The following EPS15 variants were observed in gnomAD, a reference collection of about 807,000 sequenced individuals.
The protein encoded by EPS15 is epidermal growth factor receptor substrate 15.
Under a neutral mutation model 113.8 loss-of-function variants are expected in EPS15, and 72 were observed. That is an observed-to-expected ratio of 0.63 (90% CI 0.52 to 0.77). EPS15 has a LOEUF of 0.77. EPS15 is among the 30% of genes least tolerant of loss of function. EPS15 has a pLI of 0.00. For missense variants in EPS15, 1,048 were observed against 1,045.8 expected (o/e 1.00, Z -0.03); for synonymous variants, 344 against 363.4 (o/e 0.95, Z 0.61).
At chr1:51,459,709 A>T (rs191861124) in intron 8 of EPS15, among the ~76,000 whole-genome samples, 2 of 152,202 alleles carry the variant, frequency 1.3e-5, no homozygotes, top group African/African-American at 4.8e-5. Context: ...TTGAAAGTAT[A>T]CATCAAAGTA....
At chr1:51,386,612 A>G (rs1204563025) in intron 21 of EPS15, among the ~76,000 whole-genome samples, 1 of 152,198 alleles carries the variant, frequency 6.6e-6, no homozygotes, top group Non-Finnish European at 1.5e-5. Flanking sequence ...CATCCACACC[A>G]AAAACTCATC....
intron 21 of EPS15, among the ~76,000 whole-genome samples, chr1:51,384,294 C>CTTTTTTTTTTTTTTTTTTTTTTTTT: frequency 1.0e-5 from 1 of 98,524 alleles, no homozygotes; most frequent in Admixed American, 1.2e-4. Context: ...CTTTTTCTTT[C>CTTTTTTTTTTTTTTTTTTTTTTTTT]TTTCTTTTTT....
chr1:51,511,578 T>C lies in EPS15; in HGVS notation c.33+7621A>G, dbSNP rs191084566. On this transcript the variant is annotated intron_variant, in intron 1 of 24. Coordinates refer to ENST00000371733, the MANE Select transcript of EPS15 (RefSeq NM_001981.3). ...GGCAATTTAATCCTCTAGGAAATAT[T>C]TGTCAGTGTCTGGAGATATTTCTGA... Among the ~76,000 whole-genome samples the C allele has an allele frequency of 1.9e-3, 283 of 152,228 alleles. 1 individual carries two copies. Among genetic ancestry groups the C allele is most frequent in the African/African-American group, 6.3e-3 (262 of 41,530 alleles).
At chr1:51,403,109 A>G (rs1296285899) in intron 17 of EPS15, among the ~76,000 whole-genome samples, 1 of 152,160 alleles carries the variant, frequency 6.6e-6, no homozygotes, top group Non-Finnish European at 1.5e-5. Flanking sequence ...AGGTCCCTCT[A>G]TGTTGCCTAG....
rs977660102 is a variant in EPS15 at position 51,409,534 on chromosome 1, C to T, written c.1275+1G>A. ...GGCAGCAGGAAACAGCCAGACATTA[C>T]CAGTTGGGCCTCCTCAGCACATTTC... On this transcript the variant is annotated splice_donor_variant, in intron 14 of 24. Coordinates refer to ENST00000371733, the MANE Select transcript of EPS15 (RefSeq NM_001981.3). LOFTEE classifies it high-confidence loss of function. The T allele has an allele frequency of 1.2e-6, 2 of 1,606,026 alleles. No homozygotes were observed. The highest frequency in any genetic ancestry group is 1.8e-5 in the Admixed American group (1 of 56,722).
At chr1:51,424,660 T>C (rs1397114379) in intron 12 of EPS15, among the ~76,000 whole-genome samples, 1 of 152,096 alleles carries the variant, frequency 6.6e-6, no homozygotes, top group Admixed American at 6.5e-5. Flanking sequence ...TTCCAGCACT[T>C]TGGGAGGCCG....
Position 51,356,652 on chromosome 1 carries a change from A to G in EPS15, c.*48T>C. The G allele has an allele frequency of 6.5e-7, 1 of 1,538,518 alleles. No individual in the cohort carries two copies. The highest frequency in any genetic ancestry group is 8.9e-7 in the Non-Finnish European group (1 of 1,124,912). On this transcript the variant is annotated 3_prime_UTR_variant, in exon 25 of 25. Transcript: ENST00000371733. ...GATACACATTGTAAATAGTTTCAGT[A>G]TTCAGGAAGAAGAATACTATATTGT...
chr1:51,371,243 A>T (rs6663544), intron 21 of EPS15, among the ~76,000 whole-genome samples: 42,718 of 152,082 alleles, frequency 0.28, 7,650 homozygotes, highest in African/African-American at 0.51. Flanking sequence ...CACCTTCTAC[A>T]TATACAACAA....
intron 2 of EPS15, among the ~76,000 whole-genome samples, chr1:51,475,318 T>C (rs1024133537): frequency 6.6e-6 from 1 of 152,086 alleles, no homozygotes; most frequent in Admixed American, 6.6e-5. Context: ...AGTGTTCCTA[T>C]TTCTCCACAT....
intron 1 of EPS15, among the ~76,000 whole-genome samples, chr1:51,504,532 C>A (rs541056491): frequency 2.2e-4 from 34 of 152,204 alleles, no homozygotes; most frequent in African/African-American, 7.7e-4. Context: ...GGACTTCTAT[C>A]TAGAATACAT....
At chr1:51,485,726 G>C (rs1644107287) in intron 1 of EPS15, among the ~76,000 whole-genome samples, 1 of 152,162 alleles carries the variant, frequency 6.6e-6, no homozygotes, top group African/African-American at 2.4e-5. Context: ...AATTAAATGA[G>C]AGTTCAAATA....
chr1:51,450,704 G>T (rs1168993514), intron 8 of EPS15, among the ~76,000 whole-genome samples: 1 of 151,530 alleles, frequency 6.6e-6, no homozygotes, highest in Admixed American at 6.6e-5. Context: ...TTTCCCCTTC[G>T]GCTCTGCAAT....
chr1:51,404,518 A>C (rs1271550065), intron 16 of EPS15, among the ~76,000 whole-genome samples: 1 of 152,232 alleles, frequency 6.6e-6, no homozygotes, highest in East Asian at 1.9e-4. Context: ...AATAAAATCG[A>C]GTCTGTTAAC....
chr1:51,376,128 T>C (rs1646792110), intron 21 of EPS15, among the ~76,000 whole-genome samples: 1 of 152,244 alleles, frequency 6.6e-6, no homozygotes, highest in Admixed American at 6.5e-5. Context: ...TGTCTGGCTT[T>C]GAAGCATCAA....
At chr1:51,517,593 G>A (rs1644746603) in intron 1 of EPS15, among the ~76,000 whole-genome samples, 1 of 152,334 alleles carries the variant, frequency 6.6e-6, no homozygotes, top group East Asian at 1.9e-4. Flanking sequence ...CAGGGATCTT[G>A]TTTAATGCAA....
intron 1 of EPS15, among the ~76,000 whole-genome samples, chr1:51,488,424 T>C (rs564049337): frequency 2.3e-5 from 3 of 128,922 alleles, no homozygotes; most frequent in Admixed American, 8.6e-5. Flanking sequence ...GTCTGAAAAA[T>C]GTAAAGTACC....
At chr1:51,438,045 C>T (rs998346013) in intron 12 of EPS15, among the ~76,000 whole-genome samples, 10 of 152,042 alleles carry the variant, frequency 6.6e-5, no homozygotes, top group African/African-American at 2.4e-4. Flanking sequence ...TGATAATGAC[C>T]TAACACAACT....
intron 13 of EPS15, among the ~76,000 whole-genome samples, chr1:51,413,080 T>A (rs7526406): frequency 0.03 from 4,573 of 152,232 alleles, 75 homozygotes; most frequent in African/African-American, 0.05. Context: ...TTCACCTGTG[T>A]CCCAGCCTCA....
intron 2 of EPS15, among the ~76,000 whole-genome samples, chr1:51,475,441 A>AT (rs1490468296): frequency 1.3e-5 from 2 of 152,072 alleles, no homozygotes; most frequent in African/African-American, 2.4e-5. Context: ...GATGACAAGC[A>AT]TTTTTTCACG....
Sources: allele counts gnomAD v4.1 joint callset (sites outside exome capture counted in the v4.1 genomes callset), GRCh38; gene constraint gnomAD v4.1.1; transcripts MANE v1.5; gene names NCBI Gene and HGNC (gene_info 2026-07-23, HGNC 2026-07-21).